METTL15: variants seen among roughly 807,000 people sequenced by gnomAD.
The protein encoded by METTL15 is 12S rRNA N(4)-cytidine methyltransferase METTL15.
METTL15 carries 34 observed loss-of-function variants against 38.3 expected under a neutral mutation model. The ratio of observed to expected loss-of-function variants is 0.89; its 90% confidence interval spans 0.68 to 1.18. The LOEUF is 1.18. Among genes scored for constraint, METTL15 ranks in the 50% most tolerant of loss-of-function variants. METTL15 has a pLI of 0.00. For missense variants in METTL15, 438 were observed against 498.4 expected (o/e 0.88, Z 1.15); for synonymous variants, 162 against 170.9 (o/e 0.95, Z 0.41).
intron 4 of METTL15, among the ~76,000 whole-genome samples, chr11:28,221,308 A>G (rs1385896764): frequency 1.3e-5 from 2 of 151,948 alleles, no homozygotes; most frequent in Non-Finnish European, 2.9e-5. Flanking sequence ...CATTTCATTC[A>G]TTTGATCTTC....
At chr11:28,156,967 T>C (rs1425551167) in intron 3 of METTL15, among the ~76,000 whole-genome samples, 3 of 152,220 alleles carry the variant, frequency 2.0e-5, no homozygotes, top group Non-Finnish European at 4.4e-5. Context: ...CTGTGATAGA[T>C]ATAAGATAAA....
At chr11:28,474,483 A>G (rs1851328510) in intron 6 of METTL15, among the ~76,000 whole-genome samples, 1 of 152,172 alleles carries the variant, frequency 6.6e-6, no homozygotes, top group South Asian at 2.1e-4. Flanking sequence ...TGAGAAAGTA[A>G]GCTCCTAAAA....
At chr11:28,296,724 G>A (rs926654026) in intron 5 of METTL15, 29 bp from the exon 6 acceptor site, 1 of 1,609,686 alleles carries the variant, frequency 6.2e-7, no homozygotes, top group South Asian at 1.1e-5. Flanking sequence ...ACTGATGTCA[G>A]TGAACTAATT....
At chr11:28,470,547 G>A (rs1207417030) in intron 6 of METTL15, among the ~76,000 whole-genome samples, 1 of 152,038 alleles carries the variant, frequency 6.6e-6, no homozygotes. Flanking sequence ...TAGAACCTTT[G>A]TATTATATTA....
chr11:28,522,045 A>G (rs1851769289), intron 6 of METTL15, among the ~76,000 whole-genome samples: 1 of 152,182 alleles, frequency 6.6e-6, no homozygotes, highest in Non-Finnish European at 1.5e-5. Flanking sequence ...GAGGTAGTGA[A>G]ATGAATGCTG....
intron 4 of METTL15, among the ~76,000 whole-genome samples, chr11:28,355,310 TC>T (rs1481930696): frequency 4.6e-5 from 7 of 152,254 alleles, no homozygotes; most frequent in African/African-American, 1.7e-4. Flanking sequence ...TTGAGGTTTT[TC>T]TAGGCCCAAT....
intron 4 of METTL15, among the ~76,000 whole-genome samples, chr11:28,359,549 A>G (rs1850118091): frequency 6.6e-6 from 1 of 152,182 alleles, no homozygotes; most frequent in African/African-American, 2.4e-5. Context: ...AACAGTATAT[A>G]ATTGTTCCCT....
chr11:28,175,798 T>A (rs1210409228), intron 3 of METTL15, among the ~76,000 whole-genome samples: 1 of 152,182 alleles, frequency 6.6e-6, no homozygotes, highest in Non-Finnish European at 1.5e-5. Flanking sequence ...TCTTGGCCAC[T>A]ACTATCATTT....
At chr11:28,260,342 C>A (rs1855151337) in intron 4 of METTL15, among the ~76,000 whole-genome samples, 1 of 152,126 alleles carries the variant, frequency 6.6e-6, no homozygotes, top group African/African-American at 2.4e-5. Flanking sequence ...CTGAAATGAC[C>A]CCTTTTTATC....
Position 28,310,111 on chromosome 11 carries a change from C to T in METTL15, c.778+13180C>T, listed in dbSNP as rs192530481. 6.8e-4 allele frequency among the ~76,000 whole-genome samples: 103 copies of T among 152,188 alleles called. 1 individual carries two copies. Among genetic ancestry groups the T allele is most frequent in the Middle Eastern group, 3.4e-3 (1 of 294 alleles). Reference sequence around the variant, plus strand: ...CACCTATGTTTATACCACTTTACTCCAGAAGCAACTAATTGGAGAGTCATG... The same window carrying T: ...CACCTATGTTTATACCACTTTACTCTAGAAGCAACTAATTGGAGAGTCATG... On this transcript the variant is annotated intron_variant, in intron 6 of 6. Transcript: ENST00000407364.
intron 4 of METTL15, among the ~76,000 whole-genome samples, chr11:28,217,494 C>G (rs554071374): frequency 7.0e-4 from 106 of 152,156 alleles, no homozygotes; most frequent in South Asian, 5.8e-3. Context: ...AAAATTTTCT[C>G]CCATTCTGTA....
intron 4 of METTL15, among the ~76,000 whole-genome samples, chr11:28,283,687 C>T (rs1480762444): frequency 6.6e-6 from 1 of 152,112 alleles, no homozygotes; most frequent in Admixed American, 6.6e-5. Flanking sequence ...AGTCAGAGAA[C>T]CTCAGAAATG....
At chr11:28,202,737 T>C (rs1852162080) in intron 3 of METTL15, among the ~76,000 whole-genome samples, 2 of 152,050 alleles carry the variant, frequency 1.3e-5, no homozygotes, top group Admixed American at 1.3e-4. Context: ...AAATTCAAAT[T>C]AGCAATTGCC....
chr11:28,175,070 T>C lies in METTL15; in HGVS notation c.271-35992T>C, dbSNP rs1448402538. ...CAGTAACTCATCATTTAACATTAGG[T>C]AAATCTCCAAATGCTATCCCTCCCC... On this transcript the variant is annotated intron_variant, in intron 3 of 6. Coordinates refer to ENST00000407364, the MANE Select transcript of METTL15 (RefSeq NM_001113528.2). Among the ~76,000 whole-genome samples the C allele has an allele frequency of 2.0e-5, 3 of 152,122 alleles. No homozygotes were observed. The East Asian group carries it at 5.8e-4, about 29-fold the overall frequency.
intron 3 of METTL15, among the ~76,000 whole-genome samples, chr11:28,172,625 A>G (rs1354988391): frequency 6.6e-6 from 1 of 152,186 alleles, no homozygotes; most frequent in Non-Finnish European, 1.5e-5. Context: ...GTCACCCAAT[A>G]CATATTAAAT....
downstream of METTL15, among the ~76,000 whole-genome samples, chr11:28,335,720 T>C (rs1400485203): frequency 3.3e-5 from 5 of 152,164 alleles, no homozygotes; most frequent in South Asian, 6.2e-4. Flanking sequence ...GGTTCCTCCC[T>C]CTTCTCTCTT....
intron 5 of METTL15, among the ~76,000 whole-genome samples, chr11:28,367,708 G>T (rs548579461): frequency 7.2e-5 from 11 of 152,010 alleles, no homozygotes; most frequent in African/African-American, 2.7e-4. Context: ...ATACTACAAG[G>T]CTACAGTAAC....
intron 4 of METTL15, among the ~76,000 whole-genome samples, chr11:28,257,631 C>A (rs2133933685): frequency 6.6e-6 from 1 of 152,164 alleles, no homozygotes; most frequent in East Asian, 1.9e-4. Flanking sequence ...TGTCTTCAAG[C>A]TCACTAATTC....
intron 6 of METTL15, among the ~76,000 whole-genome samples, chr11:28,433,837 A>G (rs1850957967): frequency 1.3e-5 from 2 of 152,172 alleles, no homozygotes; most frequent in Admixed American, 6.5e-5. Context: ...GATACGTCTT[A>G]TAGATCAATC....
Sources: gnomAD v4.1 joint callset for allele counts (sites outside exome capture counted in the v4.1 genomes callset) on GRCh38, gnomAD v4.1.1 for gene constraint, MANE v1.5 for transcripts, NCBI Gene and HGNC (gene_info 2026-07-23, HGNC 2026-07-21) for gene names.